Variants in SLC45A4 observed in about 807,000 individuals in gnomAD.
SLC45A4 encodes solute carrier family 45 member 4.
A neutral mutation model predicts 63.7 loss-of-function variants in SLC45A4; 32 were observed. The ratio of observed to expected loss-of-function variants is 0.50; its 90% CI spans 0.38 to 0.67. The LOEUF (loss-of-function observed/expected upper bound fraction) is 0.67. SLC45A4 is among the 30% of genes least tolerant of loss of function. The pLI is 0.00. For missense variants in SLC45A4, 1,027 were observed against 1,157.7 expected (o/e 0.89, Z 1.64); for synonymous variants, 535 against 510.0 (o/e 1.05, Z -0.66).
At chr8:141,226,033 C>T (rs1826963936) in intron 2 of SLC45A4, 1 of 152,880 alleles carries the variant, frequency 6.5e-6, no homozygotes, top group African/African-American at 2.4e-5. Flanking sequence ...GCCGGCCTGC[C>T]TTGGGACCCA....
chr8:141,275,723 TACAAAATC>T (rs1452535397), intron 1 of SLC45A4, among the ~76,000 whole-genome samples: 1 of 152,092 alleles, frequency 6.6e-6, no homozygotes. Flanking sequence ...CATATCCACA[TACAAAATC>T]ACAAAATCAT....
rs1444004898 is a variant in SLC45A4 at position 141,278,795 on chromosome 8, AG to A, written c.-400-24167del. Among the ~76,000 whole-genome samples the A allele has an allele frequency of 6.6e-6, 1 of 152,274 alleles. No homozygotes were observed. Among genetic ancestry groups the A allele is most frequent in the Non-Finnish European group, 1.5e-5 (1 of 68,044 alleles). On this transcript the variant is annotated intron_variant, in intron 1 of 8. Coordinates refer to ENST00000517878, the MANE Select transcript of SLC45A4 (RefSeq NM_001286646.2). This position sits in a 1 kb window ranked among gnomAD's most constrained non-coding sequence, Gnocchi z 4.1. Reference sequence around the variant, plus strand: ...CCCGCAAGGGAGTGGGCAGCACTGCAGGATGCAGCAAGGGCTGCTCAGACCT... The same window carrying A: ...CCCGCAAGGGAGTGGGCAGCACTGCAGATGCAGCAAGGGCTGCTCAGACCT...
In SLC45A4 at chr8:141,212,242, G is replaced by C; in HGVS notation, c.2256C>G (p.Leu752=). Residue 752 remains leucine (L), a synonymous_variant, in exon 8 of 9, where the codon CTC becomes CTG. Transcript: ENST00000517878. ...GTCCCTGCAGGCCCTCCTTCCGCGT[G>C]AGCTTCAGCACGGTGGGCTTTTCGC... ...GNSEKPTVLK[L]TRKEGLQGPV... The C allele has an allele frequency of 6.4e-7, 1 of 1,565,296 alleles. No individual in the cohort carries two copies.
intron 1 of SLC45A4, among the ~76,000 whole-genome samples, chr8:141,292,138 C>T (rs935162117): frequency 6.6e-6 from 1 of 152,214 alleles, no homozygotes; most frequent in Admixed American, 6.5e-5. Context: ...GGAGCTGCCT[C>T]GAAGCTGCAC....
At chr8:141,238,988 G>A (rs1196140219) in intron 2 of SLC45A4, among the ~76,000 whole-genome samples, 7 of 152,178 alleles carry the variant, frequency 4.6e-5, no homozygotes, top group Admixed American at 2.6e-4. Context: ...CAGCTCATCC[G>A]AGTTAGTATA....
At chr8:141,296,146 C>T (rs1031840802) in intron 1 of SLC45A4, among the ~76,000 whole-genome samples, 2 of 152,144 alleles carry the variant, frequency 1.3e-5, no homozygotes, top group Non-Finnish European at 2.9e-5. Context: ...GCCTGGCCAA[C>T]ACAGTGAAAC....
At position 141,287,412 on chromosome 8, in the gene SLC45A4, G is replaced by A. The variant is rs947766802; in HGVS notation, c.-401+20684C>T. 5.3e-5 allele frequency among the ~76,000 whole-genome samples: 8 copies of A among 152,136 alleles called. No homozygotes were observed. The East Asian group carries it at 1.2e-3, about 22-fold the overall frequency. ...TTTCACAAGAGGAAATAACCCACAC[G>A]CAGGGCACGGAGCGCAGACTGTGCC... On this transcript the variant is annotated intron_variant, in intron 1 of 8. Transcript: ENST00000517878.
intron 2 of SLC45A4, among the ~76,000 whole-genome samples, chr8:141,251,137 T>C (rs748290194): frequency 2.0e-5 from 3 of 152,300 alleles, no homozygotes; most frequent in South Asian, 2.1e-4. Context: ...TGGTGCCCAA[T>C]TGGTAATTCC....
intron 3 of SLC45A4, 41 bp from the exon 4 acceptor site, chr8:141,219,870 C>G: frequency 6.6e-7 from 1 of 1,511,224 alleles, no homozygotes; most frequent in Non-Finnish European, 8.9e-7. Flanking sequence ...TCCTCAAGCA[C>G]TGGCCAGGGT....
chr8:141,297,721 C>T (rs550597675), intron 1 of SLC45A4, among the ~76,000 whole-genome samples: 51 of 152,322 alleles, frequency 3.3e-4, no homozygotes, highest in Non-Finnish European at 6.2e-4. Context: ...TTGCAGAGAT[C>T]TAGGAAATGG....
Position 141,218,015 on chromosome 8 carries a change from G to T in SLC45A4, c.1625C>A (p.Pro542His). ...FMGQVIFEGD[P>H]KAPSNSTAWQ... ...CTCCGGTGGCCGAGCACTCACCTTG[G>T]GGTCGCCTTCGAAGATGACCTGGCC... The change falls in exon 5 of 9, where the codon CCC becomes CAC. Residue 542 changes from proline to histidine, a missense_variant. Transcript: ENST00000517878. 1 of 1,599,128 alleles carries T rather than the reference G, an allele frequency of 6.3e-7. No homozygotes were observed. The highest frequency in any genetic ancestry group is 1.1e-5 in the South Asian group (1 of 90,016).
At chr8:141,211,893 T>C (rs998052495) in intron 8 of SLC45A4, 196 bp from the exon 9 acceptor site, 75 of 1,255,444 alleles carry the variant, frequency 6.0e-5, no homozygotes, top group Admixed American at 1.9e-4. Context: ...TGCAGAATAA[T>C]ACACCTGCAG....
rs879074662 is a variant in SLC45A4 at position 141,256,536 on chromosome 8, G to A, written c.-400-1907C>T. ...GGTCCCTGGCACGTGGGCCCCAGGAGGGAGAAGACTCCGCTGTACAGGAGG... is the reference window on the plus strand; with the variant it reads ...GGTCCCTGGCACGTGGGCCCCAGGAAGGAGAAGACTCCGCTGTACAGGAGG... On this transcript the variant is annotated intron_variant, in intron 1 of 8. Coordinates refer to ENST00000517878, the MANE Select transcript of SLC45A4 (RefSeq NM_001286646.2). The surrounding 1 kb of genome is among the most constrained non-coding windows in gnomAD (Gnocchi z 4.3). The A allele has an allele frequency of 2.2e-6, 1 of 456,236 alleles. No individual in the cohort carries two copies. The highest frequency in any genetic ancestry group is 4.4e-6 in the Non-Finnish European group (1 of 226,946). The allele number at this position is 456,236 out of a possible 1,614,324, so 28.3% of individuals were successfully genotyped here. A position where few individuals can be genotyped will look rare whatever the true frequency, so the allele number is the denominator to read the frequency against.
Position 141,211,464 on chromosome 8 carries a change from C to T in SLC45A4, c.*108G>A, listed in dbSNP as rs139635040. On this transcript the variant is annotated 3_prime_UTR_variant, in exon 9 of 9. Transcript: ENST00000517878. ...AAATCACTGTCTTCTGCCCAGGCCC[C>T]CCGGACCAGCCTCCTCCCAGCTTTG... 1.3e-6 allele frequency: 2 copies of T among 1,598,852 alleles called. No homozygotes were observed. The highest frequency in any genetic ancestry group is 2.7e-5 in the African/African-American group (2 of 74,390).
chr8:141,229,641 G>A lies in SLC45A4; in HGVS notation c.242-7876C>T, dbSNP rs916197774. On this transcript the variant is annotated intron_variant, in intron 2 of 8. Coordinates refer to ENST00000517878, the MANE Select transcript of SLC45A4 (RefSeq NM_001286646.2). The surrounding 1 kb of genome is among the most constrained non-coding windows in gnomAD (Gnocchi z 5.0). ...CCGCAGACCACGGCCTGCACCCATG[G>A]CAGAGACCCTGCTGCCACTCCAGTG... Among the ~76,000 whole-genome samples the A allele has an allele frequency of 6.6e-6, 1 of 152,152 alleles. No homozygotes were observed. The highest frequency in any genetic ancestry group is 2.4e-5 in the African/African-American group (1 of 41,416).
chr8:141,247,677 G>A (rs1015090226), intron 2 of SLC45A4, among the ~76,000 whole-genome samples: 1 of 152,178 alleles, frequency 6.6e-6, no homozygotes, highest in African/African-American at 2.4e-5. Context: ...TTCCCAAAGT[G>A]CTGGGATTAC....
intron 2 of SLC45A4, among the ~76,000 whole-genome samples, chr8:141,246,965 T>G (rs1001075912): frequency 6.6e-6 from 1 of 151,432 alleles, no homozygotes; most frequent in African/African-American, 2.4e-5. Flanking sequence ...AATAGAAAAA[T>G]AATAAACTAG....
chr8:141,247,567 G>A (rs1290805423), intron 2 of SLC45A4, among the ~76,000 whole-genome samples: 1 of 152,174 alleles, frequency 6.6e-6, no homozygotes, highest in Non-Finnish European at 1.5e-5. Flanking sequence ...AACTGCAACA[G>A]CCAAAACAAG....
intron 2 of SLC45A4, among the ~76,000 whole-genome samples, chr8:141,240,489 G>A (rs1040197549): frequency 3.3e-5 from 5 of 152,224 alleles, no homozygotes; most frequent in African/African-American, 9.6e-5. Flanking sequence ...GGAGCTGAGC[G>A]TGACTCAGAG....
Sources: gnomAD v4.1 joint callset for allele counts (sites outside exome capture counted in the v4.1 genomes callset) on GRCh38, gnomAD v4.1.1 for gene constraint, Gnocchi (gnomAD v3.1) non-coding constraint, MANE v1.5 for transcripts, NCBI Gene and HGNC (gene_info 2026-07-23, HGNC 2026-07-21) for gene names.